CEP112: variants seen among roughly 807,000 people sequenced by gnomAD.
CEP112 encodes the protein centrosomal protein 112, also known as centrosomal protein of 112 kDa.
In CEP112, 127 loss-of-function variants were observed where a neutral mutation model predicts 153.0. The observed-to-expected ratio is 0.83, with a 90% CI of 0.72 to 0.96. The LOEUF (loss-of-function observed/expected upper bound fraction) is 0.96, where lower values mean the gene tolerates loss of function less well. CEP112 is among the 40% of genes least tolerant of loss of function. The probability of loss-of-function intolerance (pLI) is 0.00; values close to 1 mark genes in which losing one functional copy is unlikely to be tolerated. For synonymous variants in CEP112, 358 were observed against 374.4 expected (o/e 0.96, Z 0.51); for missense variants, 1,089 against 1,101.2 (o/e 0.99, Z 0.16).
chr17:65,909,806 G>A (rs1233451127), intron 19 of CEP112, among the ~76,000 whole-genome samples: 1 of 152,182 alleles, frequency 6.6e-6, no homozygotes, highest in African/African-American at 2.4e-5. Context: ...ACATGGTTTG[G>A]TGAGACATAC....
At chr17:66,073,860 C>T (rs1276957558) in intron 8 of CEP112, among the ~76,000 whole-genome samples, 2 of 152,016 alleles carry the variant, frequency 1.3e-5, no homozygotes, top group Non-Finnish European at 2.9e-5. Context: ...AGAAAAATAA[C>T]AGAATCCAGA....
intron 12 of CEP112, among the ~76,000 whole-genome samples, chr17:66,052,835 G>GAAAA (rs1325288735): frequency 6.6e-6 from 1 of 152,240 alleles, no homozygotes; most frequent in African/African-American, 2.4e-5. Flanking sequence ...GGCCAGGCGT[G>GAAAA]GTTGATCATG....
At chr17:65,970,420 T>TA (rs2062664463) in intron 17 of CEP112, among the ~76,000 whole-genome samples, 1 of 122,216 alleles carries the variant, frequency 8.2e-6, no homozygotes, top group East Asian at 7.0e-4. Context: ...TGCATGTATA[T>TA]TACATGCATG....
chr17:65,840,409 C>T (rs993597932), intron 21 of CEP112, among the ~76,000 whole-genome samples: 2 of 152,140 alleles, frequency 1.3e-5, no homozygotes, highest in African/African-American at 2.4e-5. Context: ...GGAGAAAGGA[C>T]AGTCCCTTCA....
intron 20 of CEP112, among the ~76,000 whole-genome samples, chr17:65,871,642 AAATT>A (rs534719750): frequency 4.6e-5 from 7 of 152,338 alleles, no homozygotes; most frequent in African/African-American, 1.2e-4. Context: ...CTCAATAAAT[AAATT>A]AATTAATTAA....
At chr17:66,104,025 G>C (rs1430149545) in intron 6 of CEP112, among the ~76,000 whole-genome samples, 1 of 152,142 alleles carries the variant, frequency 6.6e-6, no homozygotes, top group African/African-American at 2.4e-5. Context: ...AAGTGCACTG[G>C]AGTCCTAAAT....
chr17:65,748,424 G>A (rs1006020951), intron 22 of CEP112, among the ~76,000 whole-genome samples: 1 of 152,126 alleles, frequency 6.6e-6, no homozygotes, highest in Non-Finnish European at 1.5e-5. Flanking sequence ...AAGCTTTTCA[G>A]GGAGATTTTA....
rs142550393 is a variant in CEP112 at position 66,178,844 on chromosome 17, G to A, written c.107-1824C>T. Among the ~76,000 whole-genome samples the A allele has an allele frequency of 3.2e-4, 48 of 152,060 alleles. No individual in the cohort carries two copies. In the East Asian group the frequency reaches 5.4e-3, roughly 17 times the overall value. On this transcript the variant is annotated intron_variant, in intron 2 of 26. Coordinates refer to ENST00000535342, the MANE Select transcript of CEP112 (RefSeq NM_001199165.4). ...TTTGCATTTTTGCTGTGAAAATTAC[G>A]TAATCACAGAACAAACTAATGAAAT...
At chr17:65,895,789 G>T (rs914965674) in intron 20 of CEP112, among the ~76,000 whole-genome samples, 2 of 152,148 alleles carry the variant, frequency 1.3e-5, no homozygotes, top group Non-Finnish European at 1.5e-5. Flanking sequence ...CATCTCTTTA[G>T]ATTACTTTAT....
chr17:66,107,738 C>T (rs1025109663), intron 6 of CEP112, among the ~76,000 whole-genome samples: 1 of 151,944 alleles, frequency 6.6e-6, no homozygotes, highest in Admixed American at 6.6e-5. Context: ...TCTACAGAGT[C>T]AATGCAATTA....
intron 20 of CEP112, among the ~76,000 whole-genome samples, chr17:65,871,587 A>T (rs1357775053): frequency 6.6e-6 from 1 of 152,202 alleles, no homozygotes; most frequent in East Asian, 1.9e-4. Context: ...GTGAGCCAAG[A>T]TCGCACCACT....
chr17:65,870,834 T>C (rs1192611286), intron 20 of CEP112, among the ~76,000 whole-genome samples: 1 of 152,206 alleles, frequency 6.6e-6, no homozygotes, highest in Non-Finnish European at 1.5e-5. Context: ...AAGAATAAAA[T>C]TCAGGCTGAA....
chr17:65,929,789 T>C (rs559328538), intron 18 of CEP112, among the ~76,000 whole-genome samples: 37 of 152,326 alleles, frequency 2.4e-4, no homozygotes, highest in Non-Finnish European at 5.0e-4. Flanking sequence ...CCCAACTTGG[T>C]TCAAGACTTG....
chr17:65,976,337 G>C (rs1599230691), intron 17 of CEP112, among the ~76,000 whole-genome samples: 1 of 152,324 alleles, frequency 6.6e-6, no homozygotes, highest in East Asian at 1.9e-4. Context: ...GAGGGGAAGA[G>C]CATGTTATTT....
intron 21 of CEP112, among the ~76,000 whole-genome samples, chr17:65,819,708 C>G (rs2145986243): frequency 6.6e-6 from 1 of 151,976 alleles, no homozygotes; most frequent in East Asian, 1.9e-4. Context: ...GCCAGAAATG[C>G]ATAACCTCAA....
intron 20 of CEP112, among the ~76,000 whole-genome samples, chr17:65,863,045 G>C (rs954256223): frequency 6.6e-6 from 1 of 151,940 alleles, no homozygotes; most frequent in Non-Finnish European, 1.5e-5. Flanking sequence ...ATTATGTATT[G>C]TTAATATTAA....
intron 17 of CEP112, among the ~76,000 whole-genome samples, chr17:65,990,111 G>T (rs1472952935): frequency 6.6e-6 from 1 of 152,024 alleles, no homozygotes; most frequent in South Asian, 2.1e-4. Context: ...GGAAAGAGAA[G>T]TTACCAAACA....
intron 24 of CEP112, among the ~76,000 whole-genome samples, chr17:65,654,262 T>C (rs1038730064): frequency 6.6e-6 from 1 of 152,202 alleles, no homozygotes; most frequent in Non-Finnish European, 1.5e-5. Flanking sequence ...AGAGCTCATG[T>C]ACTTTGATTC....
chr17:65,961,730 CT>C, intron 17 of CEP112, 132 bp from the exon 18 acceptor site: 1 of 791,088 alleles, frequency 1.3e-6, no homozygotes. Context: ...CAAAACTTCC[CT>C]TTAGAAATTT....
Sources: allele counts gnomAD v4.1 joint callset (sites outside exome capture counted in the v4.1 genomes callset), GRCh38; gene constraint gnomAD v4.1.1; transcripts MANE v1.5; gene names NCBI Gene and HGNC (gene_info 2026-07-23, HGNC 2026-07-21).